NRXN3: variants seen among roughly 807,000 people sequenced by gnomAD.
The protein encoded by NRXN3 is neurexin 3, also known as neurexin III.
A neutral mutation model predicts 137.6 loss-of-function variants in NRXN3; 32 were observed. The observed-to-expected ratio is 0.23, with a 90% confidence interval of 0.18 to 0.31. NRXN3 has a LOEUF of 0.31. Among genes scored for constraint, NRXN3 ranks in the 10% least tolerant of loss-of-function variants. NRXN3 has a pLI of 1.00. For synonymous variants in NRXN3, 798 were observed against 784.5 expected, an observed-to-expected ratio of 1.02 and a Z score of -0.29; for missense variants, 1,574 against 2,062.5, an observed-to-expected ratio of 0.76 and a Z score of 4.59.
chr14:79,385,007 A>G (rs1485342702), intron 15 of NRXN3, among the ~76,000 whole-genome samples: 1 of 152,004 alleles, frequency 6.6e-6, no homozygotes, highest in Non-Finnish European at 1.5e-5. Context: ...TTCTCAACTG[A>G]GATATTATAG....
intron 8 of NRXN3, among the ~76,000 whole-genome samples, chr14:78,799,074 G>A (rs1360458690): frequency 1.3e-5 from 2 of 152,196 alleles, no homozygotes; most frequent in Non-Finnish European, 2.9e-5. Context: ...TTAACATTTG[G>A]CCCCTTATTA....
chr14:78,278,379 A>T lies in NRXN3; in HGVS notation c.710-266A>T, dbSNP rs145119725. ...TGAAGCCCTATCTGATTCCAGGATGATGTCTTTCCGGACAGATGTGAAGCT... is the reference window on the plus strand; with the variant it reads ...TGAAGCCCTATCTGATTCCAGGATGTTGTCTTTCCGGACAGATGTGAAGCT... On this transcript the variant is annotated intron_variant, in intron 2 of 20. Transcript: ENST00000335750. 7.8e-4 allele frequency among the ~76,000 whole-genome samples: 119 copies of T among 152,240 alleles called. 1 individual carries two copies. Among genetic ancestry groups the T allele is most frequent in the African/African-American group, 2.8e-3 (116 of 41,552 alleles).
chr14:79,445,411 C>T (rs1048356500), intron 15 of NRXN3, among the ~76,000 whole-genome samples: 3 of 151,948 alleles, frequency 2.0e-5, no homozygotes, highest in African/African-American at 7.3e-5. Flanking sequence ...CTACTCTGGG[C>T]TAGATATTAA....
At chr14:79,047,663 AATAGTCCCATGC>A (rs1441620267) in intron 15 of NRXN3, among the ~76,000 whole-genome samples, 1 of 152,194 alleles carries the variant, frequency 6.6e-6, no homozygotes, top group Admixed American at 6.5e-5. Context: ...GTGAATGGTC[AATAGTCCCATGC>A]AAAGATATTC....
chr14:79,833,863 T>C (rs1013436219), intron 20 of NRXN3, among the ~76,000 whole-genome samples: 5 of 152,182 alleles, frequency 3.3e-5, no homozygotes, highest in East Asian at 1.9e-4. Flanking sequence ...CAATATTTAA[T>C]TGGACCTTTT....
chr14:79,034,279 C>G (rs2099612536), intron 15 of NRXN3, among the ~76,000 whole-genome samples: 1 of 151,182 alleles, frequency 6.6e-6, no homozygotes, highest in African/African-American at 2.4e-5. Flanking sequence ...TCTCTGTTTA[C>G]AAGGTCAATT....
intron 10 of NRXN3, among the ~76,000 whole-genome samples, chr14:78,907,216 A>C (rs1276368989): frequency 1.3e-5 from 2 of 151,926 alleles, no homozygotes; most frequent in African/African-American, 2.4e-5. Flanking sequence ...GCTTTGTTGC[A>C]TGGTCTTATA....
chr14:78,482,944 C>T (rs555039369), intron 4 of NRXN3, among the ~76,000 whole-genome samples: 2 of 152,278 alleles, frequency 1.3e-5, no homozygotes, highest in Admixed American at 1.3e-4. Context: ...TATTTTGGAT[C>T]TTTGCCTGTC....
chr14:78,942,331 C>G (rs1042259682), intron 10 of NRXN3, among the ~76,000 whole-genome samples: 2 of 152,224 alleles, frequency 1.3e-5, no homozygotes, highest in African/African-American at 2.4e-5. Flanking sequence ...TGACTCTTAA[C>G]TCTTCCTGTC....
At chr14:79,344,990 C>G (rs759421285) in intron 15 of NRXN3, among the ~76,000 whole-genome samples, 14 of 152,180 alleles carry the variant, frequency 9.2e-5, no homozygotes, top group Admixed American at 3.3e-4. Flanking sequence ...CTGTAAGAAG[C>G]AGATTCTCAC....
chr14:78,278,033 G>A (rs1037878233), intron 2 of NRXN3, among the ~76,000 whole-genome samples: 1 of 152,176 alleles, frequency 6.6e-6, no homozygotes, highest in African/African-American at 2.4e-5. Flanking sequence ...CACACACACT[G>A]CTGTCTGTGA....
At chr14:78,804,829 C>T (rs1210935902) in intron 9 of NRXN3, among the ~76,000 whole-genome samples, 4 of 152,126 alleles carry the variant, frequency 2.6e-5, no homozygotes, top group African/African-American at 9.7e-5. Context: ...AGTCAATACC[C>T]AGCATTGATA....
At chr14:79,720,553 T>G (rs937559661) in intron 19 of NRXN3, among the ~76,000 whole-genome samples, 1 of 152,088 alleles carries the variant, frequency 6.6e-6, no homozygotes, top group Non-Finnish European at 1.5e-5. Flanking sequence ...CTATTAAACC[T>G]TTCTCGATGT....
At chr14:79,826,307 T>A (rs543237558) in intron 20 of NRXN3, among the ~76,000 whole-genome samples, 83 of 152,188 alleles carry the variant, frequency 5.5e-4, no homozygotes, top group Non-Finnish European at 8.8e-4. Context: ...ATTTTTTTTT[T>A]AAACCTTGGA....
At chr14:79,435,050 T>G (rs17109201) in intron 15 of NRXN3, among the ~76,000 whole-genome samples, 2,098 of 152,250 alleles carry the variant, frequency 0.014, 48 homozygotes, top group African/African-American at 0.048. Flanking sequence ...GCACATCCAC[T>G]GCAACTGAAT....
Position 78,651,154 on chromosome 14 carries a change from C to T in NRXN3, c.1060-11C>T, listed in dbSNP as rs540007645. The T allele has an allele frequency of 9.2e-5, 149 of 1,611,730 alleles. No individual in the cohort carries two copies. The East Asian group carries it at 3.1e-3, about 34-fold the overall frequency. On this transcript the variant is annotated splice_polypyrimidine_tract_variant and intron_variant, in intron 5 of 20. Coordinates refer to ENST00000335750, the MANE Select transcript of NRXN3 (RefSeq NM_001330195.2). ...GTTGGGATTTTTTTTGTCCCTATGT[C>T]CCTCCACCAGGTGACAATCTCTGTG...
intron 1 of NRXN3, among the ~76,000 whole-genome samples, chr14:78,185,848 T>C (rs2060186387): frequency 1.3e-5 from 2 of 152,184 alleles, no homozygotes; most frequent in South Asian, 4.1e-4. Context: ...CCAATCACAA[T>C]GGGATGCTCC....
intron 4 of NRXN3, among the ~76,000 whole-genome samples, chr14:78,466,473 T>C (rs2095110097): frequency 6.6e-6 from 1 of 152,238 alleles, no homozygotes; most frequent in Admixed American, 6.5e-5. Context: ...GGGATGGAAA[T>C]GAATGTTGAG....
At chr14:79,051,473 C>T (rs2099641790) in intron 15 of NRXN3, among the ~76,000 whole-genome samples, 1 of 152,188 alleles carries the variant, frequency 6.6e-6, no homozygotes, top group Non-Finnish European at 1.5e-5. Flanking sequence ...GCTCCAGGGA[C>T]TGCGGCAATG....
Sources: allele counts gnomAD v4.1 joint callset (sites outside exome capture counted in the v4.1 genomes callset), GRCh38; gene constraint gnomAD v4.1.1; transcripts MANE v1.5; gene names NCBI Gene and HGNC (gene_info 2026-07-23, HGNC 2026-07-21).